HDAC9: variants seen among roughly 807,000 people sequenced by gnomAD.
HDAC9 encodes histone deacetylase 9, also known as MEF-2 interacting transcription repressor (MITR) protein.
A neutral mutation model predicts 139.4 loss-of-function variants in HDAC9; 41 were observed. The observed-to-expected ratio is 0.29, with a 90% confidence interval of 0.23 to 0.38. HDAC9 has a LOEUF of 0.38. Ranked by LOEUF, HDAC9 falls within the 10% of genes least tolerant of loss-of-function variation. HDAC9 has a pLI of 1.00. For missense variants in HDAC9, 1,147 were observed against 1,297.0 expected (o/e 0.88, Z 1.78); for synonymous variants, 517 against 476.2 (o/e 1.09, Z -1.12).
At chr7:18,128,964 A>G (rs961647754) in intron 1 of HDAC9, among the ~76,000 whole-genome samples, 1 of 152,086 alleles carries the variant, frequency 6.6e-6, no homozygotes, top group African/African-American at 2.4e-5. Flanking sequence ...GAAGTGATAT[A>G]GTTACATTGC....
At chr7:18,486,742 T>C (rs968656326) in intron 1 of HDAC9, among the ~76,000 whole-genome samples, 71 of 152,156 alleles carry the variant, frequency 4.7e-4, no homozygotes, top group African/African-American at 1.5e-3. Flanking sequence ...ATGTTTTATA[T>C]TGATAATATG....
At chr7:18,655,400 T>C (rs1221751390) in intron 11 of HDAC9, among the ~76,000 whole-genome samples, 1 of 152,178 alleles carries the variant, frequency 6.6e-6, no homozygotes, top group Non-Finnish European at 1.5e-5. Flanking sequence ...AAAAGAAACT[T>C]TGACGTTACC....
chr7:18,179,703 G>T (rs938651208), intron 2 of HDAC9, among the ~76,000 whole-genome samples: 2 of 152,150 alleles, frequency 1.3e-5, no homozygotes, highest in African/African-American at 4.8e-5. Context: ...GAAGTTCTTA[G>T]TAAAAGCCCA....
intron 2 of HDAC9, among the ~76,000 whole-genome samples, chr7:18,536,543 A>G (rs1232284496): frequency 2.0e-5 from 3 of 152,210 alleles, no homozygotes; most frequent in African/African-American, 7.2e-5. Context: ...GTTACATTCA[A>G]TATATTCTAT....
chr7:18,772,552 C>T (rs1409131268), intron 16 of HDAC9, among the ~76,000 whole-genome samples: 4 of 152,054 alleles, frequency 2.6e-5, no homozygotes, highest in Non-Finnish European at 5.9e-5. Context: ...TAATGTTCAA[C>T]TCAAACCTGG....
At chr7:18,601,968 A>C (rs1275366357) in intron 6 of HDAC9, among the ~76,000 whole-genome samples, 1 of 152,158 alleles carries the variant, frequency 6.6e-6, no homozygotes, top group African/African-American at 2.4e-5. Context: ...GCAGTATGGT[A>C]ATGCTGTCCT....
intron 1 of HDAC9, among the ~76,000 whole-genome samples, chr7:18,310,584 T>C (rs1799241511): frequency 6.6e-6 from 1 of 152,182 alleles, no homozygotes; most frequent in Non-Finnish European, 1.5e-5. Context: ...TAACTTCTCC[T>C]GATACTCGCA....
chr7:18,444,221 C>T (rs1469164325), intron 1 of HDAC9, among the ~76,000 whole-genome samples: 5 of 151,446 alleles, frequency 3.3e-5, no homozygotes, highest in African/African-American at 1.2e-4. Context: ...TGTCTGTAGT[C>T]CCAGCTACTT....
intron 21 of HDAC9, among the ~76,000 whole-genome samples, chr7:18,860,635 G>C (rs1490627949): frequency 6.6e-6 from 1 of 151,974 alleles, no homozygotes; most frequent in Non-Finnish European, 1.5e-5. Context: ...AATAAATTGG[G>C]CTAAAAGAGG....
At chr7:18,178,180 T>C (rs1789093778) in intron 2 of HDAC9, among the ~76,000 whole-genome samples, 1 of 152,050 alleles carries the variant, frequency 6.6e-6, no homozygotes, top group Non-Finnish European at 1.5e-5. Flanking sequence ...ACCTCCCTAG[T>C]TCAAGCAATT....
chr7:18,155,073 T>TTTTC (rs34168137), intron 1 of HDAC9, among the ~76,000 whole-genome samples: 6,086 of 148,884 alleles, frequency 0.041, 166 homozygotes, highest in Non-Finnish European at 0.057. Context: ...ACAAAGCTTT[T>TTTTC]TTTCTTTCTT....
chr7:18,471,565 A>G (rs750801953), intron 1 of HDAC9, among the ~76,000 whole-genome samples: 28 of 152,330 alleles, frequency 1.8e-4, no homozygotes, highest in Non-Finnish European at 3.2e-4. Context: ...AAAGGTATCT[A>G]TTAGGAAAAT....
intron 2 of HDAC9, among the ~76,000 whole-genome samples, chr7:18,255,167 T>G (rs1193983573): frequency 6.6e-6 from 1 of 152,118 alleles, no homozygotes; most frequent in South Asian, 2.1e-4. Context: ...CCAGTAGGTG[T>G]TTTCAGGATA....
chr7:18,548,839 G>A (rs763211062), intron 2 of HDAC9, among the ~76,000 whole-genome samples: 32 of 152,172 alleles, frequency 2.1e-4, no homozygotes, highest in Non-Finnish European at 4.3e-4. Flanking sequence ...AAATTATAAT[G>A]TCAAATGCTA....
chr7:18,862,109 T>C (rs1798152929), intron 21 of HDAC9, among the ~76,000 whole-genome samples: 1 of 152,180 alleles, frequency 6.6e-6, no homozygotes, highest in Non-Finnish European at 1.5e-5. Context: ...AGTGAAATAG[T>C]TTGCTCTCCA....
At chr7:18,367,237 T>A (rs1784253753) in intron 1 of HDAC9, among the ~76,000 whole-genome samples, 1 of 152,082 alleles carries the variant, frequency 6.6e-6, no homozygotes, top group Non-Finnish European at 1.5e-5. Context: ...CAAACTCAGA[T>A]GCATAGAGAA....
chr7:18,355,128 C>T (rs1330638261), intron 1 of HDAC9, among the ~76,000 whole-genome samples: 1 of 152,122 alleles, frequency 6.6e-6, no homozygotes, highest in Non-Finnish European at 1.5e-5. Context: ...ATGTTGATTG[C>T]AGACAGTCAC....
At chr7:18,321,540 T>A (rs1023988074) in intron 1 of HDAC9, among the ~76,000 whole-genome samples, 7 of 150,174 alleles carry the variant, frequency 4.7e-5, no homozygotes, top group African/African-American at 1.7e-4. Context: ...TTTGTGTTAT[T>A]GTGGAATTAC....
At chr7:18,253,920 C>A (rs1031427127) in intron 2 of HDAC9, among the ~76,000 whole-genome samples, 7 of 152,190 alleles carry the variant, frequency 4.6e-5, no homozygotes, top group Non-Finnish European at 8.8e-5. Context: ...AAAATTTAAT[C>A]ATGTCATTCC....
Sources: gnomAD v4.1 joint callset for allele counts (sites outside exome capture counted in the v4.1 genomes callset) on GRCh38, gnomAD v4.1.1 for gene constraint, MANE v1.5 for transcripts, NCBI Gene and HGNC (gene_info 2026-07-23, HGNC 2026-07-21) for gene names.